TKTL1: variants seen among roughly 807,000 people sequenced by gnomAD.
TKTL1 encodes transketolase-like protein 1.
Under a neutral mutation model 39.3 loss-of-function variants are expected in TKTL1, and 1 was observed. The observed-to-expected ratio is 0.03, with a 90% CI of 0.01 to 0.12. The LOEUF (loss-of-function observed/expected upper bound fraction) is 0.12. Ranked by LOEUF, TKTL1 falls within the 10% of genes least tolerant of loss-of-function variation. The pLI is 1.00. For missense variants in TKTL1, 575 were observed against 509.6 expected (o/e 1.13, Z -1.24); for synonymous variants, 262 against 193.8 (o/e 1.35, Z -2.92).
intron 10 of TKTL1, 48 bp from the exon 11 acceptor site, chrX:154,327,543 T>G (rs1557172217): frequency 3.6e-6 from 4 of 1,100,204 alleles, no homozygotes; most frequent in Non-Finnish European, 5.0e-6. Flanking sequence ...TTGACATGCA[T>G]TCTGTGTGTA....
At position 154,329,739 on chromosome X, in the gene TKTL1, G is replaced by A; in HGVS notation, c.*51G>A. The A allele has an allele frequency of 8.7e-7, 1 of 1,149,996 alleles. No individual in the cohort carries two copies. 94.8% of individuals were successfully genotyped at this position (1,149,996 alleles called of 1,213,427 possible). ...GCCTCTTTACCCTGTGTTTATGTTT[G>A]TTCCAAAACCATCATTTAAATCTCT... On this transcript the variant is annotated 3_prime_UTR_variant, in exon 13 of 13. Coordinates refer to ENST00000369915, the MANE Select transcript of TKTL1 (RefSeq NM_012253.4).
chrX:154,300,860 T>C (rs1311170686), intron 1 of TKTL1, among the ~76,000 whole-genome samples: 2 of 109,779 alleles, frequency 1.8e-5, no homozygotes, highest in African/African-American at 6.7e-5. Flanking sequence ...ACCCGGCAAA[T>C]TTTTGTATTT....
chrX:154,325,621 G>GCTTT (rs1217410803), intron 10 of TKTL1, among the ~76,000 whole-genome samples, 199 bp downstream of exon 10: 2 of 112,407 alleles, frequency 1.8e-5, no homozygotes, highest in East Asian at 5.5e-4. Flanking sequence ...GAACTTTTCT[G>GCTTT]CTTTCCAAAT....
At chrX:154,316,757 GT>G (rs66751488) in intron 7 of TKTL1, among the ~76,000 whole-genome samples, 10 of 100,887 alleles carry the variant, frequency 9.9e-5, no homozygotes, top group Non-Finnish European at 1.6e-4. Flanking sequence ...GTGGTTTTTG[GT>G]TTTTTTTTGG....
At position 154,295,800 on chromosome X, in the gene TKTL1, T is replaced by G; in HGVS notation, c.-60T>G. 1 of 1,180,703 alleles carries G rather than the reference T, an allele frequency of 8.5e-7. No homozygotes were observed. The highest frequency in any genetic ancestry group is 1.1e-6 in the Non-Finnish European group (1 of 876,839). On this transcript the variant is annotated 5_prime_UTR_variant, in exon 1 of 13. The change creates a new upstream start codon in the 5' untranslated region. Transcript: ENST00000369915. Reference sequence around the variant, plus strand: ...GCACTGGGCAGCTCGCAGGCGCCATTCGCTCTTCAGACGCCGGAGACGTAG... The same window carrying G: ...GCACTGGGCAGCTCGCAGGCGCCATGCGCTCTTCAGACGCCGGAGACGTAG...
At chrX:154,301,056 T>C (rs2067269696) in intron 1 of TKTL1, among the ~76,000 whole-genome samples, 1 of 110,828 alleles carries the variant, frequency 9.0e-6, no homozygotes. Context: ...GACTTCCTCT[T>C]CTCCAATTTG....
At chrX:154,297,379 C>T (rs1015859643) in intron 1 of TKTL1, among the ~76,000 whole-genome samples, 4 of 110,504 alleles carry the variant, frequency 3.6e-5, no homozygotes, top group East Asian at 2.9e-4. Flanking sequence ...CCTCAGCCTC[C>T]GGAGTAGCTG....
In TKTL1 at chrX:154,295,948, G is replaced by A. The variant is rs781826654; in HGVS notation, c.89G>A (p.Arg30His). ...CAGGTGTTGCAAGATATGGCCAGCC[G>A]CTTGCGAATCCATTCCATCAGGGCC... ...TLQVLQDMAS[R>H]LRIHSIRATC... The change falls in exon 1 of 13, where the codon CGC (arginine) becomes CAC (histidine). Residue 30 changes from arginine (R) to histidine (H), a missense_variant. Physicochemically the swap from Arg to His is conservative, Grantham distance 29 (BLOSUM62 0). Transcript: ENST00000369915. 44 of 1,210,282 alleles carry A rather than the reference G, an allele frequency of 3.6e-5. No homozygotes were observed. The highest frequency in any genetic ancestry group is 4.5e-5 in the Non-Finnish European group (40 of 895,185).
intron 4 of TKTL1, 33 bp downstream of exon 4, chrX:154,311,060 C>G (rs782129857): frequency 5.1e-5 from 62 of 1,208,451 alleles, no homozygotes; most frequent in Non-Finnish European, 6.7e-5. Flanking sequence ...GATTTCCATT[C>G]TGTCCTGCCC....
At chrX:154,304,343 C>G (rs782803152) in intron 1 of TKTL1, among the ~76,000 whole-genome samples, 22 of 111,381 alleles carry the variant, frequency 2.0e-4, no homozygotes, top group Non-Finnish European at 3.4e-4. Context: ...AGCCCTGCAG[C>G]CTGGTGGGCT....
intron 2 of TKTL1, among the ~76,000 whole-genome samples, chrX:154,306,985 G>A (rs1254038642): frequency 9.0e-6 from 1 of 110,820 alleles, no homozygotes; most frequent in African/African-American, 3.3e-5. Flanking sequence ...CAATATGGGT[G>A]TTTAGATTTC....
intron 6 of TKTL1, among the ~76,000 whole-genome samples, chrX:154,313,763 C>G (rs1455240361): frequency 9.2e-6 from 1 of 109,202 alleles, no homozygotes; most frequent in Non-Finnish European, 1.9e-5. Context: ...GTAGTGAGAC[C>G]CCATCTCTAC....
chrX:154,329,504 T>C lies in TKTL1; in HGVS notation c.1619-12T>C, dbSNP rs781966868. 47 of 1,208,220 alleles carry C rather than the reference T, an allele frequency of 3.9e-5. No individual in the cohort carries two copies. Among genetic ancestry groups the C allele is most frequent in the Non-Finnish European group, 5.0e-5 (45 of 893,677 alleles). ...GCTTTCACAAAAGGGCCTAACATCC[T>C]TGTTTCCCCAGGTGGCATCGGGGAA... On this transcript the variant is annotated splice_polypyrimidine_tract_variant and intron_variant, in intron 12 of 12. Coordinates refer to ENST00000369915, the MANE Select transcript of TKTL1 (RefSeq NM_012253.4).
In TKTL1 at chrX:154,330,001, A is replaced by G. The variant is rs1345571459; in HGVS notation, c.*313A>G. The G allele has an allele frequency of 9.8e-6, 2 of 204,951 alleles. No individual in the cohort carries two copies. The highest frequency in any genetic ancestry group is 6.9e-5 in the Admixed American group (1 of 14,471). The allele number at this position is 204,951 out of a possible 1,213,427, so 16.9% of individuals were successfully genotyped here. A position where few individuals can be genotyped will look rare whatever the true frequency, so the allele number is the denominator to read the frequency against. On this transcript the variant is annotated 3_prime_UTR_variant, in exon 13 of 13. Transcript: ENST00000369915. The stretch of plus-strand genomic sequence containing the variant: ...TATAGATAAGTGGTAGAGGTAATCA[A>G]TTCTTCCGAAGTGTTTCCTTCGTGA...
At chrX:154,316,771 G>T (rs142373387) in intron 7 of TKTL1, among the ~76,000 whole-genome samples, 20,135 of 100,393 alleles carry the variant, frequency 0.2, 1,814 homozygotes, top group South Asian at 0.53. Context: ...TTTTTTGGGG[G>T]TTTTTTTTTT....
intron 1 of TKTL1, among the ~76,000 whole-genome samples, chrX:154,297,084 A>G (rs782205595): frequency 1.4e-3 from 152 of 111,609 alleles, no homozygotes; most frequent in African/African-American, 4.8e-3. Flanking sequence ...TGAGCCCAGG[A>G]GTTCGCATTC....
intron 1 of TKTL1, among the ~76,000 whole-genome samples, chrX:154,303,182 TTTATTTATTTATTTA>T (rs1557166361): frequency 2.9e-4 from 10 of 33,954 alleles, no homozygotes; most frequent in Non-Finnish European, 4.5e-4. Context: ...AAAATTTTTA[TTTATTTATTTATTTA>T]TTTATTTATT....
intron 7 of TKTL1, among the ~76,000 whole-genome samples, chrX:154,315,808 A>G (rs1311649243): frequency 8.9e-6 from 1 of 112,348 alleles, no homozygotes; most frequent in African/African-American, 3.2e-5. Context: ...AAGAATATCA[A>G]TGCTTAGAGC....
chrX:154,325,121 T>C (rs1300069278), intron 9 of TKTL1, among the ~76,000 whole-genome samples: 2 of 111,966 alleles, frequency 1.8e-5, no homozygotes, highest in Non-Finnish European at 3.8e-5. Flanking sequence ...TCCAAGGGGA[T>C]TGGTGTGATG....
Sources: allele counts gnomAD v4.1 joint callset (sites outside exome capture counted in the v4.1 genomes callset), GRCh38; gene constraint gnomAD v4.1.1; transcripts MANE v1.5; gene names NCBI Gene and HGNC (gene_info 2026-07-23, HGNC 2026-07-21).